SORCS1: variants seen among roughly 807,000 people sequenced by gnomAD.
SORCS1 encodes the protein sortilin related VPS10 domain containing receptor 1.
Under a neutral mutation model 146.1 loss-of-function variants are expected in SORCS1, and 60 were observed. The observed-to-expected ratio is 0.41, with a 90% CI of 0.33 to 0.51. The LOEUF is 0.51. Ranked by LOEUF, SORCS1 falls within the 20% of genes least tolerant of loss-of-function variation. The pLI is 0.21. For missense variants in SORCS1, 1,352 were observed against 1,487.6 expected, an observed-to-expected ratio of 0.91 and a Z score of 1.50; for synonymous variants, 637 against 584.0, an observed-to-expected ratio of 1.09 and a Z score of -1.31.
At chr10:106,591,656 TA>T (rs1845610345) in intron 24 of SORCS1, among the ~76,000 whole-genome samples, 1 of 152,176 alleles carries the variant, frequency 6.6e-6, no homozygotes, top group South Asian at 2.1e-4. Flanking sequence ...GAAGCTGATA[TA>T]AAGACATGAT....
intron 2 of SORCS1, among the ~76,000 whole-genome samples, chr10:106,927,091 T>C (rs1184068673): frequency 6.6e-6 from 1 of 152,176 alleles, no homozygotes; most frequent in Non-Finnish European, 1.5e-5. Context: ...TGCATGATCC[T>C]GTCATAGCCA....
intron 1 of SORCS1, among the ~76,000 whole-genome samples, chr10:107,082,200 C>A (rs544955910): frequency 2.0e-4 from 30 of 152,306 alleles, no homozygotes; most frequent in Admixed American, 1.3e-4. Context: ...TGGTTTCCCA[C>A]CTGTCAGAAC....
At chr10:107,153,224 T>C (rs1489195367) in intron 1 of SORCS1, among the ~76,000 whole-genome samples, 2 of 152,126 alleles carry the variant, frequency 1.3e-5, no homozygotes, top group Non-Finnish European at 1.5e-5. Context: ...TTCCAATCAG[T>C]GCTCACAATC....
chr10:107,168,755 G>T (rs1244501093), upstream of SORCS1, among the ~76,000 whole-genome samples: 2 of 149,772 alleles, frequency 1.3e-5, no homozygotes, highest in Non-Finnish European at 3.0e-5. Flanking sequence ...AGTAACTAGG[G>T]TCACACAGCA....
At position 107,163,990 on chromosome 10, in the gene SORCS1, G is replaced by C; in HGVS notation, c.537C>G (p.His179Gln). The change falls in exon 1 of 26, where the codon CAC becomes CAG. Residue 179 changes from histidine (H) to glutamine (Q), a missense_variant. This residue lies in a region of SORCS1 where 490 missense variants were observed against 489.1 expected (regional missense o/e 1.00). Transcript: ENST00000263054. ...TCACGCTGCTGTTGTGGCCAGACCA[G>C]TGGACCATGGCTTGGTTGTGTGCTG... ...GDSAHNQAMV[H>Q]WSGHNSSVIL... 1 of 1,613,864 alleles carries C rather than the reference G, an allele frequency of 6.2e-7. No individual in the cohort carries two copies. Among genetic ancestry groups the C allele is most frequent in the Non-Finnish European group, 8.5e-7 (1 of 1,179,882 alleles).
chr10:106,660,903 T>C (rs938342055), intron 17 of SORCS1, among the ~76,000 whole-genome samples: 3 of 152,234 alleles, frequency 2.0e-5, no homozygotes, highest in African/African-American at 7.2e-5. Flanking sequence ...AAAGCACCTC[T>C]AGAAATATCT....
rs115750761 is a variant in SORCS1 at position 106,830,667 on chromosome 10, G to A, written c.627-994C>T. On this transcript the variant is annotated intron_variant, in intron 2 of 25. Transcript: ENST00000263054. ...TACCAGCACTTTAGGAAACCAAGAC[G>A]GGTGAATCACTTGAGGTCAGGAATT... 2.4e-3 allele frequency among the ~76,000 whole-genome samples: 361 copies of A among 151,078 alleles called. 2 individuals are homozygous for A. Among genetic ancestry groups the A allele is most frequent in the African/African-American group, 7.4e-3 (304 of 41,062 alleles).
chr10:106,987,224 T>C (rs1400635943), intron 1 of SORCS1, among the ~76,000 whole-genome samples: 1 of 152,224 alleles, frequency 6.6e-6, no homozygotes, highest in Non-Finnish European at 1.5e-5. Flanking sequence ...TCCTTTATTC[T>C]GGTACATAGT....
chr10:106,728,040 T>TG (rs369195408), intron 6 of SORCS1, among the ~76,000 whole-genome samples: 363 of 47,290 alleles, frequency 7.7e-3, no homozygotes, highest in African/African-American at 0.029. Flanking sequence ...TAAGCAAGAC[T>TG]TTTTTTTTTT....
intron 1 of SORCS1, among the ~76,000 whole-genome samples, chr10:107,163,014 C>T (rs1192514913): frequency 6.6e-6 from 1 of 152,214 alleles, no homozygotes; most frequent in Non-Finnish European, 1.5e-5. Flanking sequence ...TTTCAACTCA[C>T]TGAAGTTTCT....
chr10:107,038,777 C>T (rs1263887166), intron 1 of SORCS1, among the ~76,000 whole-genome samples: 1 of 152,096 alleles, frequency 6.6e-6, no homozygotes, highest in Non-Finnish European at 1.5e-5. Flanking sequence ...CTTTTAATCC[C>T]TGCTCATAGA....
chr10:107,056,258 G>C (rs1431882710), intron 1 of SORCS1, among the ~76,000 whole-genome samples: 1 of 152,180 alleles, frequency 6.6e-6, no homozygotes, highest in Non-Finnish European at 1.5e-5. Context: ...AATAGGGCAG[G>C]ACTCTAGAGA....
chr10:107,149,488 T>C (rs1968596554), intron 1 of SORCS1, among the ~76,000 whole-genome samples: 2 of 152,212 alleles, frequency 1.3e-5, no homozygotes, highest in Admixed American at 6.5e-5. Context: ...AAACAACCAC[T>C]GTTAAGGCTC....
chr10:106,798,923 A>G (rs556444262), intron 3 of SORCS1, among the ~76,000 whole-genome samples: 2 of 152,324 alleles, frequency 1.3e-5, no homozygotes, highest in South Asian at 4.1e-4. Flanking sequence ...CATTGCCAAG[A>G]CAATCCTAAG....
rs574047921 is a variant in SORCS1 at position 107,118,967 on chromosome 10, C to T, written c.558+45002G>A. Among the ~76,000 whole-genome samples the T allele has an allele frequency of 2.0e-5, 3 of 152,130 alleles. No homozygotes were observed. The East Asian group carries it at 5.8e-4, about 29-fold the overall frequency. On this transcript the variant is annotated intron_variant, in intron 1 of 25. Transcript: ENST00000263054. ...TTGGTGGACTCTTTAACACTTGGGT[C>T]CCTGAGTGATAACTATGCAGATGAG...
chr10:107,155,464 G>A (rs1440851371), intron 1 of SORCS1, among the ~76,000 whole-genome samples: 2 of 152,122 alleles, frequency 1.3e-5, no homozygotes. Flanking sequence ...CACTGCCCCA[G>A]GCACCTATGA....
At chr10:106,650,185 AAAG>A (rs1398672604) in intron 18 of SORCS1, among the ~76,000 whole-genome samples, 1 of 152,210 alleles carries the variant, frequency 6.6e-6, no homozygotes, top group Non-Finnish European at 1.5e-5. Flanking sequence ...ATTTTCCACT[AAAG>A]AAGGTTTACT....
chr10:107,019,809 T>C (rs1301958489), intron 1 of SORCS1, among the ~76,000 whole-genome samples: 1 of 152,256 alleles, frequency 6.6e-6, no homozygotes, highest in Admixed American at 6.5e-5. Context: ...TGACTATCTC[T>C]GTCCTTTTGA....
intron 10 of SORCS1, among the ~76,000 whole-genome samples, chr10:106,686,664 T>C (rs1293594848): frequency 1.3e-5 from 2 of 152,208 alleles, no homozygotes; most frequent in African/African-American, 2.4e-5. Context: ...AACTGGCTTT[T>C]TCCTCCTCTT....
Sources: gnomAD v4.1 joint callset for allele counts (sites outside exome capture counted in the v4.1 genomes callset) on GRCh38, gnomAD v4.1.1 for gene constraint, gnomAD v4.1.1 regional missense constraint, MANE v1.5 for transcripts, NCBI Gene and HGNC (gene_info 2026-07-23, HGNC 2026-07-21) for gene names.